The following SLFN13 variants were observed in gnomAD, a reference collection of about 807,000 sequenced individuals.
The protein encoded by SLFN13 is schlafen-13.
A neutral mutation model predicts 50.6 loss-of-function variants in SLFN13; 43 were observed. That is an observed-to-expected ratio of 0.85 (90% CI 0.67 to 1.09). The LOEUF (loss-of-function observed/expected upper bound fraction) is 1.09, where lower values mean the gene tolerates loss of function less well. SLFN13 is among the 50% of genes least tolerant of loss of function. The probability of loss-of-function intolerance (pLI) is 0.00; values close to 1 mark genes in which losing one functional copy is unlikely to be tolerated. For missense variants in SLFN13, 881 were observed against 1,071.1 expected (o/e 0.82, Z 2.48); for synonymous variants, 339 against 386.5 (o/e 0.88, Z 1.44).
rs1450848221 is a variant in SLFN13, at chr17:35,435,322, C to G, written c.*5273G>C. On this transcript the variant is annotated 3_prime_UTR_variant, in exon 6 of 6. Transcript: ENST00000285013. ...GCGGGGAGGGGGTTGGGGGGTTGTT[C>G]TGGTTGTTTTTAGCCCACTGCAGCC... 2.0e-5 allele frequency: 3 copies of G among 151,986 alleles called. No individual in the cohort carries two copies. The highest frequency in any genetic ancestry group is 4.4e-5 in the Non-Finnish European group (3 of 68,052). The allele number at this position is 151,986 out of a possible 1,614,324, so 9.4% of individuals were successfully genotyped here.
At chr17:35,449,408 G>A (rs1913392024), upstream of SLFN13, among the ~76,000 whole-genome samples, 1 of 152,054 alleles carries the variant, frequency 6.6e-6, no homozygotes, top group Non-Finnish European at 1.5e-5. Context: ...TGAGGGTCCA[G>A]CCAAGCTCTC....
At chr17:35,442,349 T>C (rs1457217666) in intron 4 of SLFN13, 63 bp from the exon 5 acceptor site, 9 of 1,482,438 alleles carry the variant, frequency 6.1e-6, no homozygotes, top group South Asian at 1.4e-5. Flanking sequence ...ATGAATCACA[T>C]GTTACATTTA....
Position 35,445,558 on chromosome 17 carries a change from T to C in SLFN13, c.123A>G (p.Gln41=). The C allele has an allele frequency of 6.2e-7, 1 of 1,614,192 alleles. No homozygotes were observed. The highest frequency in any genetic ancestry group is 1.3e-5 in the African/African-American group (1 of 75,052). Residue 41 remains glutamine, a synonymous_variant, in exon 3 of 6, where the codon CAA becomes CAG. Coordinates refer to ENST00000285013, the MANE Select transcript of SLFN13 (RefSeq NM_144682.6). ...CGGCCCGTATAACTCTCGCCCTCTCTTGGTCTCTCTGAGTTTTCTGTAGCT... is the reference window on the plus strand; with the variant it reads ...CGGCCCGTATAACTCTCGCCCTCTCCTGGTCTCTCTGAGTTTTCTGTAGCT... ...RKKLQKTQRD[Q]ERARVIRAAC...
rs1295889438 is a variant in SLFN13 at position 35,439,061 on chromosome 17, G to T, written c.*1534C>A. 1.4e-5 allele frequency: 2 copies of T among 140,720 alleles called. No homozygotes were observed. The highest frequency in any genetic ancestry group is 7.0e-5 in the Admixed American group (1 of 14,250). The allele number at this position is 140,720 out of a possible 1,614,324, so 8.7% of individuals were successfully genotyped here. A position where few individuals can be genotyped will look rare whatever the true frequency, so the allele number is the denominator to read the frequency against. On this transcript the variant is annotated 3_prime_UTR_variant, in exon 6 of 6. Transcript: ENST00000285013. ...ACATAGGTGCCAGCAGGGTGGGGGG[G>T]GGGGTTCATTGTGAGGCTTCTCCTC...
rs1402358163 is a variant in SLFN13 at position 35,441,122 on chromosome 17, G to A, written c.2167C>T (p.Pro723Ser). The A allele has an allele frequency of 6.2e-7, 1 of 1,614,030 alleles. No homozygotes were observed. The highest frequency in any genetic ancestry group is 8.5e-7 in the Non-Finnish European group (1 of 1,180,014). The change falls in exon 6 of 6, where the codon CCA (proline) becomes TCA (serine). Residue 723 changes from proline (P) to serine (S), a missense_variant. By Grantham distance (74) the Pro-to-Ser change is moderately conservative. Transcript: ENST00000285013. The part of the protein sequence containing the change: ...SGLPPLSAQY[P>S]REELTRVVRN... Reference sequence around the variant, plus strand: ...ACTACTCTGGTGAGCTCTTCTCTTGGATACTGTGCTGAGAGAGGGGGAAGG... The same window carrying A: ...ACTACTCTGGTGAGCTCTTCTCTTGAATACTGTGCTGAGAGAGGGGGAAGG...
chr17:35,441,038 T>C lies in SLFN13; in HGVS notation c.2251A>G (p.Asn751Asp). 4 of 1,613,384 alleles carry C rather than the reference T, an allele frequency of 2.5e-6. No homozygotes were observed. The highest frequency in any genetic ancestry group is 3.4e-6 in the Non-Finnish European group (4 of 1,180,018). ...IQQEMQLIIE[N>D]PPINIPHGYL... ...CCATGGGGGATATTAATTGGAGGAT[T>C]TTCTATAATTAGTTGCATTTCTTGT... Residue 751 changes from asparagine (N) to aspartate (D), a missense_variant, in exon 6 of 6, where the codon AAT (asparagine) becomes GAT (aspartate). Physicochemically the swap from Asn to Asp is conservative, Grantham distance 23. Coordinates refer to ENST00000285013, the MANE Select transcript of SLFN13 (RefSeq NM_144682.6).
At position 35,440,599 on chromosome 17, in the gene SLFN13, A is replaced by C. The variant is rs754498319; in HGVS notation, c.2690T>G (p.Leu897Arg). 1.2e-6 allele frequency: 2 copies of C among 1,613,968 alleles called. No homozygotes were observed. The highest frequency in any genetic ancestry group is 2.2e-5 in the East Asian group (1 of 44,892). ...GAGTTCTTCCTAATAGTCACTTCAC[A>C]GAAAAATATATAGGTGCTGTTTTGC... ...SRAKQHLYIF[L>R] Residue 897 changes from leucine to arginine, a missense_variant, in exon 6 of 6, where the codon CTG becomes CGG. Coordinates refer to ENST00000285013, the MANE Select transcript of SLFN13 (RefSeq NM_144682.6).
chr17:35,444,527 GAGA>G, intron 3 of SLFN13, 85 bp downstream of exon 3: 1 of 1,205,490 alleles, frequency 8.3e-7, no homozygotes, highest in Non-Finnish European at 1.2e-6. Context: ...CAGTGGGTGT[GAGA>G]AGGTCAAGCT....
chr17:35,448,846 C>T (rs1913366246), upstream of SLFN13: 3 of 152,300 alleles, frequency 2.0e-5, no homozygotes, highest in African/African-American at 7.2e-5. Flanking sequence ...ATGAACGAAC[C>T]AATGGGTCCC....
At chr17:35,442,361 A>G in intron 4 of SLFN13, 75 bp from the exon 5 acceptor site, 2 of 1,444,628 alleles carry the variant, frequency 1.4e-6, no homozygotes, top group Non-Finnish European at 1.8e-6. Context: ...TTACATTTAA[A>G]AGACAGAGGA....
At position 35,441,055 on chromosome 17, in the gene SLFN13, A is replaced by G. The variant is rs778167664; in HGVS notation, c.2234T>C (p.Met745Thr). ...TGGAGGATTTTCTATAATTAGTTGC[A>G]TTTCTTGTTGTATGTACTCGGCTAT... The part of the protein sequence containing the change: ...DEIAEYIQQE[M>T]QLIIENPPIN... The change falls in exon 6 of 6, where the codon ATG becomes ACG. Residue 745 changes from methionine (M) to threonine (T), a missense_variant. Physicochemically the swap from Met to Thr is moderately conservative, Grantham distance 81 (BLOSUM62 -1). Transcript: ENST00000285013. The G allele has an allele frequency of 1.2e-6, 2 of 1,613,692 alleles. No individual in the cohort carries two copies. Among genetic ancestry groups the G allele is most frequent in the Non-Finnish European group, 1.7e-6 (2 of 1,180,008 alleles).
intron 3 of SLFN13, among the ~76,000 whole-genome samples, chr17:35,444,367 G>T (rs1913080222): frequency 6.6e-6 from 1 of 152,156 alleles, no homozygotes. Flanking sequence ...CAATTCAATG[G>T]TTTTATTAAA....
At position 35,438,789 on chromosome 17, in the gene SLFN13, G is replaced by A. The variant is rs1164117077; in HGVS notation, c.*1806C>T. ...TACTTATAAATGGAATATTGGGCATGTGGTTTCTTAATTTTCATTAGTTAT... is the reference window on the plus strand; with the variant it reads ...TACTTATAAATGGAATATTGGGCATATGGTTTCTTAATTTTCATTAGTTAT... On this transcript the variant is annotated 3_prime_UTR_variant, in exon 6 of 6. Transcript: ENST00000285013. 2 of 152,112 alleles carry A rather than the reference G, an allele frequency of 1.3e-5. No homozygotes were observed. Among genetic ancestry groups the A allele is most frequent in the African/African-American group, 4.8e-5 (2 of 41,424 alleles). The allele number at this position is 152,112 out of a possible 1,614,324, so 9.4% of individuals were successfully genotyped here. A position where few individuals can be genotyped will look rare whatever the true frequency, so the allele number is the denominator to read the frequency against.
At position 35,443,808 on chromosome 17, in the gene SLFN13, T is replaced by C. The variant is rs766519704; in HGVS notation, c.1179A>G (p.Leu393=). The C allele has an allele frequency of 3.7e-6, 6 of 1,611,978 alleles. No homozygotes were observed. In the Admixed American group the frequency reaches 6.7e-5, roughly 18 times the overall value. ...SKKGLEHKAD[L]QQHLFPVPPG... ...CAGTACCTGGAAATAAATGTTGTTG[T>C]AGATCAGCTTTGTGTTCCAGACCTT... is the stretch of plus-strand genomic sequence containing the variant. The change falls in exon 4 of 6, where the codon CTA becomes CTG. Residue 393 remains leucine, a synonymous_variant. Coordinates refer to ENST00000285013, the MANE Select transcript of SLFN13 (RefSeq NM_144682.6).
At position 35,440,595 on chromosome 17, in the gene SLFN13, T is replaced by C. The variant is rs1309490964; in HGVS notation, c.2694A>G (p.Ter898TrpextTer4). 6.2e-7 allele frequency: 1 copy of C among 1,613,886 alleles called. No individual in the cohort carries two copies. Among genetic ancestry groups the C allele is most frequent in the Admixed American group, 1.7e-5 (1 of 60,004 alleles). ...RAKQHLYIFL[*>W] ...TTTGGAGTTCTTCCTAATAGTCACT[T>C]CACAGAAAAATATATAGGTGCTGTT... is the stretch of plus-strand genomic sequence containing the variant. Residue 898 changes from the stop codon to tryptophan (W), a stop_lost, in exon 6 of 6, where the codon TGA becomes TGG. Coordinates refer to ENST00000285013, the MANE Select transcript of SLFN13 (RefSeq NM_144682.6).
chr17:35,443,719 T>C (rs747393858), intron 4 of SLFN13, 70 bp downstream of exon 4: 359 of 1,516,756 alleles, frequency 2.4e-4, no homozygotes, highest in Non-Finnish European at 3.1e-4. Flanking sequence ...CAATCTTTCA[T>C]GGATTTGTTT....
upstream of SLFN13, among the ~76,000 whole-genome samples, chr17:35,449,411 A>G (rs1399481700): frequency 3.3e-5 from 5 of 151,664 alleles, no homozygotes; most frequent in Non-Finnish European, 7.4e-5. Context: ...GGGTCCAGCC[A>G]AGCTCTCGCC....
rs1164792615 is a variant in SLFN13, at chr17:35,436,265, C to T, written c.*4330G>A. 2 of 152,096 alleles carry T rather than the reference C, an allele frequency of 1.3e-5. 1 individual carries two copies. The highest frequency in any genetic ancestry group is 2.9e-5 in the Non-Finnish European group (2 of 68,020). The allele number at this position is 152,096 out of a possible 1,614,324, so 9.4% of individuals were successfully genotyped here. On this transcript the variant is annotated 3_prime_UTR_variant, in exon 6 of 6. Transcript: ENST00000285013. ...TTAGAACCTGCTGTGACAATGGTTA[C>T]AGAATTTCTGCTTTGATCCACGAGT...
rs1277354779 is a variant in SLFN13, at chr17:35,441,608, C to A, written c.1877G>T (p.Arg626Ile). 1 of 1,589,766 alleles carries A rather than the reference C, an allele frequency of 6.3e-7. No individual in the cohort carries two copies. Among genetic ancestry groups the A allele is most frequent in the Non-Finnish European group, 8.5e-7 (1 of 1,171,268 alleles). ...IRNVFHCEAH[R>I]ILYVCENQPL... ...CTGGTTTTCACAAACGTAGAGAATT[C>A]TGTGTGCCTCACAGTGAAACACATT... The change falls in exon 5 of 6, where the codon AGA becomes ATA. Residue 626 changes from arginine to isoleucine, a missense_variant. By Grantham distance (97) the Arg-to-Ile change is moderately conservative (BLOSUM62 -3). Coordinates refer to ENST00000285013, the MANE Select transcript of SLFN13 (RefSeq NM_144682.6).
Sources: gnomAD v4.1 joint callset for allele counts (sites outside exome capture counted in the v4.1 genomes callset) on GRCh38, gnomAD v4.1.1 for gene constraint, MANE v1.5 for transcripts, NCBI Gene and HGNC (gene_info 2026-07-23, HGNC 2026-07-21) for gene names.